Variants in PCDH9 observed in about 807,000 individuals in gnomAD.
PCDH9 encodes protocadherin-9.
Under a neutral mutation model 70.6 loss-of-function variants are expected in PCDH9, and 24 were observed. The ratio of observed to expected loss-of-function variants is 0.34; its 90% confidence interval spans 0.25 to 0.48. PCDH9 has a LOEUF of 0.48. Ranked by LOEUF, PCDH9 falls within the 20% of genes least tolerant of loss-of-function variation. The pLI, the probability that PCDH9 is intolerant of heterozygous loss-of-function variation, is 0.99. For missense variants in PCDH9, 1,281 were observed against 1,503.6 expected (o/e 0.85, Z 2.45); for synonymous variants, 562 against 558.5 (o/e 1.01, Z -0.09).
intron 3 of PCDH9, among the ~76,000 whole-genome samples, chr13:66,665,914 C>T (rs1054276449): frequency 2.0e-5 from 3 of 152,040 alleles, no homozygotes; most frequent in Non-Finnish European, 4.4e-5. Flanking sequence ...AAACCATCCA[C>T]TAAAGAGGGA....
At chr13:66,761,649 C>T (rs9571649) in intron 3 of PCDH9, among the ~76,000 whole-genome samples, 12,391 of 152,014 alleles carry the variant, frequency 0.082, 524 homozygotes, top group East Asian at 0.14. Flanking sequence ...AGTTTTCATT[C>T]CAAGTATTGT....
intron 4 of PCDH9, among the ~76,000 whole-genome samples, chr13:66,431,120 A>G (rs1957763503): frequency 6.6e-6 from 1 of 152,042 alleles, no homozygotes; most frequent in Non-Finnish European, 1.5e-5. Flanking sequence ...TGAAAGAGTA[A>G]TTTTCTATTC....
chr13:66,741,967 G>T (rs373714804), intron 3 of PCDH9, among the ~76,000 whole-genome samples: 17 of 149,566 alleles, frequency 1.1e-4, no homozygotes, highest in Non-Finnish European at 1.8e-4. Flanking sequence ...ACCAATGACT[G>T]TCTTCACAGA....
chr13:66,546,629 A>T (rs8001204), intron 4 of PCDH9, among the ~76,000 whole-genome samples: 1 of 152,196 alleles, frequency 6.6e-6, no homozygotes, highest in African/African-American at 2.4e-5. Flanking sequence ...AACAATTAAT[A>T]TATTTGATTT....
intron 3 of PCDH9, among the ~76,000 whole-genome samples, chr13:66,708,204 T>C (rs898631706): frequency 2.7e-4 from 40 of 150,738 alleles, no homozygotes; most frequent in African/African-American, 5.1e-4. Flanking sequence ...CGCCCGCCAC[T>C]ACGCCCGGCT....
At chr13:66,336,056 G>C (rs2138131672) in intron 4 of PCDH9, among the ~76,000 whole-genome samples, 1 of 152,090 alleles carries the variant, frequency 6.6e-6, no homozygotes, top group Middle Eastern at 3.4e-3. Flanking sequence ...GTGTGGTAAT[G>C]GGTACATAAT....
At chr13:66,447,518 T>C (rs1958118541) in intron 4 of PCDH9, among the ~76,000 whole-genome samples, 2 of 152,130 alleles carry the variant, frequency 1.3e-5, no homozygotes, top group Admixed American at 1.3e-4. Flanking sequence ...AAAAAATTAA[T>C]TTGGCAATCT....
chr13:66,342,796 G>GTATTTATTTATTTATT (rs869028823), intron 4 of PCDH9, among the ~76,000 whole-genome samples: 1 of 17,994 alleles, frequency 5.6e-5, no homozygotes, highest in African/African-American at 6.9e-5. Flanking sequence ...TTTATTTATT[G>GTATTTATTTATTTATT]TATTTATTTA....
chr13:67,199,418 A>G (rs1566490994), intron 2 of PCDH9, among the ~76,000 whole-genome samples: 1 of 151,788 alleles, frequency 6.6e-6, no homozygotes, highest in South Asian at 2.1e-4. Flanking sequence ...GACCAATAAT[A>G]CATATTTAAT....
At chr13:66,537,932 G>GA (rs796097746) in intron 4 of PCDH9, among the ~76,000 whole-genome samples, 79 of 152,016 alleles carry the variant, frequency 5.2e-4, no homozygotes, top group African/African-American at 1.8e-3. Context: ...TTGTTCCTGG[G>GA]AAAAAATCAG....
intron 2 of PCDH9, among the ~76,000 whole-genome samples, chr13:66,955,894 C>T (rs2083259290): frequency 1.3e-5 from 2 of 152,062 alleles, no homozygotes; most frequent in Admixed American, 1.3e-4. Context: ...GAGTTCGACA[C>T]CGGCCTGGCC....
At chr13:66,932,681 T>TATATATATATATACACACAC (rs1313632174) in intron 2 of PCDH9, among the ~76,000 whole-genome samples, 5 of 114,842 alleles carry the variant, frequency 4.4e-5, no homozygotes, top group African/African-American at 1.7e-4. Context: ...TATATATATA[T>TATATATATATATACACACAC]ACACACACAC....
chr13:66,521,819 T>TA (rs1214030764), intron 4 of PCDH9, among the ~76,000 whole-genome samples: 1 of 152,068 alleles, frequency 6.6e-6, no homozygotes, highest in Admixed American at 6.6e-5. Flanking sequence ...TGGGTCTCTC[T>TA]AACCTTAGTA....
chr13:67,025,100 T>C (rs143334105), intron 2 of PCDH9, among the ~76,000 whole-genome samples: 1 of 152,162 alleles, frequency 6.6e-6, no homozygotes, highest in Non-Finnish European at 1.5e-5. Context: ...ACACATTCTT[T>C]GTCTCAGTAA....
intron 4 of PCDH9, among the ~76,000 whole-genome samples, chr13:66,315,047 A>G (rs899391076): frequency 1.1e-4 from 17 of 152,312 alleles, no homozygotes; most frequent in South Asian, 6.2e-4. Flanking sequence ...GAAGGATTCA[A>G]TTGGCAATTG....
At chr13:66,410,894 T>C (rs975636579) in intron 4 of PCDH9, among the ~76,000 whole-genome samples, 1 of 152,212 alleles carries the variant, frequency 6.6e-6, no homozygotes, top group African/African-American at 2.4e-5. Flanking sequence ...AAGAAATGTA[T>C]CAATAATGAA....
At chr13:66,752,315 A>T in intron 3 of PCDH9, among the ~76,000 whole-genome samples, 1 of 152,126 alleles carries the variant, frequency 6.6e-6, no homozygotes, top group East Asian at 1.9e-4. Context: ...GCTTTATTTT[A>T]TTTATGTATT....
chr13:66,761,894 T>C (rs1325378764), intron 3 of PCDH9, among the ~76,000 whole-genome samples: 1 of 152,150 alleles, frequency 6.6e-6, no homozygotes, highest in African/African-American at 2.4e-5. Flanking sequence ...CAGTTACTGA[T>C]ACTTTATTTT....
At chr13:66,987,575 G>T (rs1191213914) in intron 2 of PCDH9, among the ~76,000 whole-genome samples, 1 of 152,016 alleles carries the variant, frequency 6.6e-6, no homozygotes, top group Non-Finnish European at 1.5e-5. Context: ...AGAGCTAGCT[G>T]ATACGCACCT....
Sources: allele counts gnomAD v4.1 joint callset (sites outside exome capture counted in the v4.1 genomes callset), GRCh38; gene constraint gnomAD v4.1.1; transcripts MANE v1.5; gene names NCBI Gene and HGNC (gene_info 2026-07-23, HGNC 2026-07-21).